MAP4K3: variants seen among roughly 807,000 people sequenced by gnomAD.
MAP4K3 encodes the protein MAPK/ERK kinase kinase kinase 3.
A neutral mutation model predicts 143.5 loss-of-function variants in MAP4K3; 94 were observed. The ratio of observed to expected loss-of-function variants is 0.65; its 90% CI spans 0.55 to 0.78. MAP4K3 has a LOEUF of 0.78. MAP4K3 is among the 30% of genes least tolerant of loss of function. The pLI, the probability that MAP4K3 is intolerant of heterozygous loss-of-function variation, is 0.00. For synonymous variants in MAP4K3, 416 were observed against 347.2 expected (o/e 1.20, Z -2.20); for missense variants, 1,077 against 1,068.1 (o/e 1.01, Z -0.12).
intron 1 of MAP4K3, among the ~76,000 whole-genome samples, chr2:39,400,893 C>T (rs1394492367): frequency 6.6e-6 from 1 of 152,108 alleles, no homozygotes; most frequent in Non-Finnish European, 1.5e-5. Flanking sequence ...ACATATAACA[C>T]TTAGTCTTTA....
chr2:39,407,554 G>A (rs948745241), intron 1 of MAP4K3, among the ~76,000 whole-genome samples: 1 of 152,096 alleles, frequency 6.6e-6, no homozygotes. Flanking sequence ...TTGTTTGTTT[G>A]TTTTTGTTAT....
rs768939055 is a variant in MAP4K3 at position 39,282,537 on chromosome 2, A to C, written c.1605T>G (p.Gly535=). The C allele has an allele frequency of 6.2e-7, 1 of 1,611,716 alleles. No individual in the cohort carries two copies. Among genetic ancestry groups the C allele is most frequent in the Non-Finnish European group, 8.5e-7 (1 of 1,178,740 alleles). The part of the protein sequence containing the change: ...KKDVPKPISN[G]LPPTPKVHMG... Reference sequence around the variant, plus strand: ...CATGCACTTTAGGTGTTGGAGGAAGACCATTACTAATAGGCTTCTAGAAAA... The same window carrying C: ...CATGCACTTTAGGTGTTGGAGGAAGCCCATTACTAATAGGCTTCTAGAAAA... Residue 535 remains glycine, a synonymous_variant, in exon 22 of 34, where the codon GGT becomes GGG. Coordinates refer to ENST00000263881, the MANE Select transcript of MAP4K3 (RefSeq NM_003618.4).
intron 1 of MAP4K3, among the ~76,000 whole-genome samples, chr2:39,433,789 G>A (rs752010067): frequency 4.6e-5 from 7 of 152,070 alleles, no homozygotes; most frequent in Admixed American, 6.5e-5. Flanking sequence ...AGAGTTACAC[G>A]ACACTTACAA....
chr2:39,327,222 G>A (rs909190829), intron 8 of MAP4K3, among the ~76,000 whole-genome samples: 2 of 151,958 alleles, frequency 1.3e-5, no homozygotes, highest in African/African-American at 2.4e-5. Context: ...AAACTATTCC[G>A]TCGGGCACCA....
chr2:39,275,053 C>A (rs557545028), intron 24 of MAP4K3, among the ~76,000 whole-genome samples: 2 of 152,270 alleles, frequency 1.3e-5, no homozygotes, highest in South Asian at 4.1e-4. Context: ...CTTATAGGCT[C>A]CCTCTAGGAG....
chr2:39,436,600 A>T, intron 1 of MAP4K3: 1 of 434,404 alleles, frequency 2.3e-6, no homozygotes, highest in East Asian at 5.2e-5. Context: ...ACTATGGATG[A>T]GCAGTGTGGC....
rs1468742894 is a variant in MAP4K3, at chr2:39,260,698, C to A, written c.2216G>T (p.Cys739Phe). The A allele has an allele frequency of 6.2e-7, 1 of 1,613,826 alleles. No homozygotes were observed. Among genetic ancestry groups the A allele is most frequent in the South Asian group, 1.1e-5 (1 of 91,080 alleles). ...GTCTCTACCTCTACTGACACCAACA[C>A]AAACTAAAGGGTACTCCTGTTCAGG... Reference protein sequence around the residue: ...VVPEQEYPLVCVGVSRGRDFN... With the variant: ...VVPEQEYPLVFVGVSRGRDFN... The change falls in exon 29 of 34, where the codon TGT (cysteine) becomes TTT (phenylalanine). Residue 739 changes from cysteine (C) to phenylalanine (F), a missense_variant. This residue lies in a region of MAP4K3 where 864 missense variants were observed against 801.2 expected (regional missense o/e 1.08). Transcript: ENST00000263881.
chr2:39,298,049 A>C (rs1390114140), intron 16 of MAP4K3, among the ~76,000 whole-genome samples: 1 of 152,208 alleles, frequency 6.6e-6, no homozygotes, highest in African/African-American at 2.4e-5. Flanking sequence ...ATGTATTTTA[A>C]ATGAATCAAA....
intron 3 of MAP4K3, among the ~76,000 whole-genome samples, chr2:39,350,262 G>A (rs1308563976): frequency 6.6e-6 from 1 of 152,148 alleles, no homozygotes; most frequent in African/African-American, 2.4e-5. Flanking sequence ...AGAAAGACAT[G>A]AACAGAAAAC....
At chr2:39,318,409 A>C (rs1237237510) in intron 12 of MAP4K3, among the ~76,000 whole-genome samples, 1 of 152,140 alleles carries the variant, frequency 6.6e-6, no homozygotes, top group Non-Finnish European at 1.5e-5. Flanking sequence ...GAGAAAAAGA[A>C]ACGTAATGAA....
At chr2:39,253,643 A>G (rs950013237) in intron 32 of MAP4K3, among the ~76,000 whole-genome samples, 6 of 152,208 alleles carry the variant, frequency 3.9e-5, no homozygotes, top group African/African-American at 9.7e-5. Context: ...GCTCATGAAC[A>G]CTGTGGTATA....
intron 2 of MAP4K3, among the ~76,000 whole-genome samples, chr2:39,362,651 T>C (rs560611418): frequency 1.3e-4 from 20 of 152,334 alleles, no homozygotes; most frequent in Admixed American, 5.9e-4. Context: ...CAATGTAATC[T>C]GGAGAACAAA....
chr2:39,391,960 A>T (rs1666674517), intron 1 of MAP4K3, among the ~76,000 whole-genome samples: 1 of 152,072 alleles, frequency 6.6e-6, no homozygotes. Context: ...AGGCAGGCAG[A>T]TCACGAGGTC....
intron 17 of MAP4K3, 21 bp from the exon 18 acceptor site, chr2:39,292,847 C>A: frequency 1.3e-6 from 2 of 1,596,920 alleles, no homozygotes; most frequent in South Asian, 2.2e-5. Flanking sequence ...AGGATAATGT[C>A]ATTGTTATTA....
intron 1 of MAP4K3, among the ~76,000 whole-genome samples, chr2:39,398,887 T>A (rs1476933042): frequency 1.3e-5 from 2 of 150,704 alleles, no homozygotes; most frequent in East Asian, 3.9e-4. Context: ...TACCAAAAAA[T>A]ATGAAAATTA....
rs756823926 is a variant in MAP4K3 at position 39,315,389 on chromosome 2, C to T, written c.919-1G>A. 5 of 1,605,688 alleles carry T rather than the reference C, an allele frequency of 3.1e-6. No individual in the cohort carries two copies. The highest frequency in any genetic ancestry group is 3.4e-6 in the Non-Finnish European group (4 of 1,175,214). Reference sequence around the variant, plus strand: ...TTCTATGTGGTACAGCAACAAGAGGCTAGAAAAGAACAAAATCAATGATAT... The same window carrying T: ...TTCTATGTGGTACAGCAACAAGAGGTTAGAAAAGAACAAAATCAATGATAT... On this transcript the variant is annotated splice_acceptor_variant, in intron 12 of 33. Transcript: ENST00000263881. LOFTEE classifies it high-confidence loss of function.
At chr2:39,374,809 C>T (rs977148796) in intron 2 of MAP4K3, among the ~76,000 whole-genome samples, 66 of 152,182 alleles carry the variant, frequency 4.3e-4, no homozygotes, top group South Asian at 6.2e-4. Context: ...AAAAGGTCTG[C>T]GTAAGTTTTT....
At chr2:39,297,316 C>T (rs893010159) in intron 16 of MAP4K3, among the ~76,000 whole-genome samples, 3 of 152,068 alleles carry the variant, frequency 2.0e-5, no homozygotes, top group Non-Finnish European at 2.9e-5. Flanking sequence ...CGGGGTTTCA[C>T]CATGTTGGCC....
chr2:39,417,493 C>T (rs1667417809), intron 1 of MAP4K3, among the ~76,000 whole-genome samples: 1 of 151,944 alleles, frequency 6.6e-6, no homozygotes, highest in Non-Finnish European at 1.5e-5. Context: ...GCTGGGATTA[C>T]AGGCGTGAGC....
Sources: allele counts gnomAD v4.1 joint callset (sites outside exome capture counted in the v4.1 genomes callset), GRCh38; gene constraint gnomAD v4.1.1; regional missense constraint gnomAD v4.1.1; transcripts MANE v1.5; gene names NCBI Gene and HGNC (gene_info 2026-07-23, HGNC 2026-07-21).